The following BORCS5 variants were observed in gnomAD, a reference collection of about 807,000 sequenced individuals.
BORCS5 encodes the protein BLOC-1 related complex subunit 5.
In BORCS5, 17 loss-of-function variants were observed where a neutral mutation model predicts 22.1. The ratio of observed to expected loss-of-function variants is 0.77; its 90% CI spans 0.53 to 1.15. The LOEUF (loss-of-function observed/expected upper bound fraction) is 1.15, where lower values mean the gene tolerates loss of function less well. Among genes scored for constraint, BORCS5 ranks in the 50% most tolerant of loss-of-function variants. The pLI, the probability that BORCS5 is intolerant of heterozygous loss-of-function variation, is 0.00. For synonymous variants in BORCS5, 117 were observed against 99.8 expected, an observed-to-expected ratio of 1.17 and a Z score of -1.03; for missense variants, 247 against 253.2, an observed-to-expected ratio of 0.98 and a Z score of 0.17.
chr12:12,411,748 C>T lies in BORCS5; in HGVS notation c.203-23880C>T, dbSNP rs144508914. ...GGAAACTATAGTAAAAAACATTAAA[C>T]GTTTTATTGTTTTAGATCTTACATT... On this transcript the variant is annotated intron_variant, in intron 2 of 3. Coordinates refer to ENST00000314565, the MANE Select transcript of BORCS5 (RefSeq NM_058169.6). Among the ~76,000 whole-genome samples the T allele has an allele frequency of 8.7e-3, 1,330 of 152,194 alleles. 15 individuals are homozygous for T. The highest frequency in any genetic ancestry group is 0.012 in the Admixed American group (191 of 15,286).
At chr12:12,384,866 A>C (rs141804760) in intron 2 of BORCS5, among the ~76,000 whole-genome samples, 2 of 151,064 alleles carry the variant, frequency 1.3e-5, no homozygotes, top group African/African-American at 2.4e-5. Flanking sequence ...CCGTCTGGGC[A>C]GCTCTCTTTA....
At chr12:12,428,117 T>A (rs1313967832) in intron 2 of BORCS5, among the ~76,000 whole-genome samples, 1 of 152,252 alleles carries the variant, frequency 6.6e-6, no homozygotes, top group Non-Finnish European at 1.5e-5. Flanking sequence ...TGTGTCCCAA[T>A]ATTTGTAATA....
chr12:12,362,914 G>A (rs923665603), intron 2 of BORCS5, among the ~76,000 whole-genome samples: 4 of 151,520 alleles, frequency 2.6e-5, no homozygotes, highest in Admixed American at 6.6e-5. Flanking sequence ...GCCTCCCAAA[G>A]TGCTGGGATT....
At chr12:12,465,406 T>C in intron 3 of BORCS5, 140 bp from the exon 4 acceptor site, 1 of 702,278 alleles carries the variant, frequency 1.4e-6, no homozygotes, top group Non-Finnish European at 2.5e-6. Context: ...TGAAGGGCTT[T>C]TTAGCCCTGG....
chr12:12,373,158 C>G (rs1220378339), intron 2 of BORCS5, among the ~76,000 whole-genome samples: 1 of 152,170 alleles, frequency 6.6e-6, no homozygotes, highest in Non-Finnish European at 1.5e-5. Flanking sequence ...GTTCCTTCTT[C>G]CTTCTGTTCT....
At position 12,469,668 on chromosome 12, in the gene BORCS5, A is replaced by G. The variant is rs1943258847; in HGVS notation, c.*3892A>G. 1 of 152,252 alleles carries G rather than the reference A, an allele frequency of 6.6e-6. No individual in the cohort carries two copies. Among genetic ancestry groups the G allele is most frequent in the African/African-American group, 2.4e-5 (1 of 41,458 alleles). The allele number at this position is 152,252 out of a possible 1,614,324, so 9.4% of individuals were successfully genotyped here. A position where few individuals can be genotyped will look rare whatever the true frequency, so the allele number is the denominator to read the frequency against. Reference sequence around the variant, plus strand: ...GGAATTGTCAGAGACGTGACCAGACATGTATTAAAATTCTAGTGCAATTGG... The same window carrying G: ...GGAATTGTCAGAGACGTGACCAGACGTGTATTAAAATTCTAGTGCAATTGG... On this transcript the variant is annotated 3_prime_UTR_variant, in exon 4 of 4. Transcript: ENST00000314565.
chr12:12,395,758 A>G (rs1008747891), intron 2 of BORCS5, among the ~76,000 whole-genome samples: 1 of 152,086 alleles, frequency 6.6e-6, no homozygotes, highest in African/African-American at 2.4e-5. Context: ...ACAGTGGCCA[A>G]AGATGGACAA....
intron 1 of BORCS5, among the ~76,000 whole-genome samples, chr12:12,357,900 G>C (rs978336443): frequency 6.6e-6 from 1 of 152,196 alleles, no homozygotes; most frequent in African/African-American, 2.4e-5. Flanking sequence ...GGTGTTAGAG[G>C]TTCCTTTTCT....
chr12:12,417,181 T>G (rs1941988409), intron 2 of BORCS5, among the ~76,000 whole-genome samples: 3 of 89,116 alleles, frequency 3.4e-5, no homozygotes, highest in Admixed American at 2.9e-4. Context: ...TAATTCACCT[T>G]TAGGTTTTTT....
chr12:12,429,283 A>G (rs186389462), intron 2 of BORCS5, among the ~76,000 whole-genome samples: 6 of 152,200 alleles, frequency 3.9e-5, no homozygotes, highest in East Asian at 3.8e-4. Flanking sequence ...AGCTATCAAT[A>G]CGAGAGGGAG....
intron 3 of BORCS5, among the ~76,000 whole-genome samples, chr12:12,461,021 C>G (rs1335101012): frequency 6.6e-6 from 1 of 152,196 alleles, no homozygotes; most frequent in East Asian, 1.9e-4. Flanking sequence ...CAGTTCTATG[C>G]TCAAATAACC....
intron 2 of BORCS5, among the ~76,000 whole-genome samples, chr12:12,405,550 TAA>T (rs1941578080): frequency 6.6e-6 from 1 of 152,260 alleles, no homozygotes; most frequent in South Asian, 2.1e-4. Flanking sequence ...ACCTGCCTTT[TAA>T]TGTCATCCTG....
intron 2 of BORCS5, among the ~76,000 whole-genome samples, chr12:12,409,125 T>A (rs952983968): frequency 1.3e-5 from 2 of 152,154 alleles, no homozygotes; most frequent in African/African-American, 4.8e-5. Flanking sequence ...ACTAGCCATC[T>A]TAATGGGTGT....
chr12:12,386,453 A>ATTTT (rs71061054), intron 2 of BORCS5, among the ~76,000 whole-genome samples: 9,460 of 140,052 alleles, frequency 0.068, 1,110 homozygotes, highest in African/African-American at 0.23. Flanking sequence ...CACTGTTGCT[A>ATTTT]TTTTTTTTTT....
chr12:12,438,374 A>AC (rs1555156023), intron 3 of BORCS5, among the ~76,000 whole-genome samples: 1 of 125,046 alleles, frequency 8.0e-6, no homozygotes, highest in Admixed American at 7.9e-5. Context: ...AAAAAAAAAA[A>AC]AAAAAACGAA....
intron 2 of BORCS5, among the ~76,000 whole-genome samples, chr12:12,415,359 C>G (rs1213963766): frequency 2.0e-5 from 3 of 150,238 alleles, no homozygotes; most frequent in Non-Finnish European, 3.0e-5. Flanking sequence ...CCAGCCCGGC[C>G]AACACAGCAA....
At chr12:12,400,275 T>C (rs929387106) in intron 2 of BORCS5, among the ~76,000 whole-genome samples, 2 of 152,214 alleles carry the variant, frequency 1.3e-5, no homozygotes, top group Non-Finnish European at 2.9e-5. Flanking sequence ...GAGCAGCCAA[T>C]GTTTCACGCT....
intron 2 of BORCS5, among the ~76,000 whole-genome samples, chr12:12,377,310 T>C (rs1051830608): frequency 6.6e-6 from 1 of 151,718 alleles, no homozygotes; most frequent in African/African-American, 2.4e-5. Flanking sequence ...TCCCGAGTAG[T>C]TGGGACTACA....
rs768946027 is a variant in BORCS5, at chr12:12,435,686, G to A, written c.261G>A (p.Gln87=). Residue 87 remains glutamine (Q), a synonymous_variant, in exon 3 of 4, where the codon CAG becomes CAA. Coordinates refer to ENST00000314565, the MANE Select transcript of BORCS5 (RefSeq NM_058169.6). ...CCAAATTGGAGAAACTGGACTCTCA[G>A]CAGGTGTTGCAGCTCTGCCTCCGAT... The part of the protein sequence containing the change: ...TNAKLEKLDS[Q]QVLQLCLRYQ... 6.2e-7 allele frequency: 1 copy of A among 1,614,094 alleles called. No homozygotes were observed. Among genetic ancestry groups the A allele is most frequent in the South Asian group, 1.1e-5 (1 of 91,070 alleles).
Sources: gnomAD v4.1 joint callset for allele counts (sites outside exome capture counted in the v4.1 genomes callset) on GRCh38, gnomAD v4.1.1 for gene constraint, MANE v1.5 for transcripts, NCBI Gene and HGNC (gene_info 2026-07-23, HGNC 2026-07-21) for gene names.